FBN1: variants seen among roughly 807,000 people sequenced by gnomAD.
FBN1 encodes fibrillin-1.
Under a neutral mutation model 365.1 loss-of-function variants are expected in FBN1, and 29 were observed. The ratio of observed to expected loss-of-function variants is 0.08; its 90% confidence interval spans 0.06 to 0.11. The LOEUF (loss-of-function observed/expected upper bound fraction) is 0.11. Ranked by LOEUF, FBN1 falls within the 10% of genes least tolerant of loss-of-function variation. The probability of loss-of-function intolerance (pLI) is 1.00; values close to 1 mark genes in which losing one functional copy is unlikely to be tolerated. For synonymous variants in FBN1, 1,210 were observed against 1,270.5 expected (o/e 0.95, Z 1.01); for missense variants, 2,476 against 3,703.2 (o/e 0.67, Z 8.60).
At chr15:48,513,259 C>T (rs1248058896) in intron 13 of FBN1, among the ~76,000 whole-genome samples, 2 of 152,172 alleles carry the variant, frequency 1.3e-5, no homozygotes, top group African/African-American at 4.8e-5. Context: ...CAATTCCACT[C>T]TCTACTTCTC....
chr15:48,480,704 C>T (rs2043459157), intron 32 of FBN1, among the ~76,000 whole-genome samples: 1 of 152,132 alleles, frequency 6.6e-6, no homozygotes, highest in Non-Finnish European at 1.5e-5. Context: ...AGGATCTGCA[C>T]ATTTGCCCCA....
intron 8 of FBN1, among the ~76,000 whole-genome samples, chr15:48,529,894 T>C (rs545612112): frequency 0.016 from 2,334 of 145,188 alleles, 34 homozygotes; most frequent in African/African-American, 0.058. Context: ...TCTGAATTCT[T>C]ATCCATGCTG....
In FBN1 at chr15:48,464,000, G is replaced by A; in HGVS notation, c.4964C>T (p.Pro1655Leu). 6.2e-7 allele frequency: 1 copy of A among 1,613,932 alleles called. No homozygotes were observed. Among genetic ancestry groups the A allele is most frequent in the South Asian group, 1.1e-5 (1 of 91,086 alleles). The change falls in exon 41 of 66, where the codon CCT becomes CTT. Residue 1655 changes from proline to leucine, a missense_variant. Coordinates refer to ENST00000316623, the MANE Select transcript of FBN1 (RefSeq NM_000138.5). ...ACATGTCCCTGGACCACAGATTCCA[G>A]GAGTCTCACATTCATTCACATCTAT... ...VCDDVNECET[P>L]GICGPGTCYN...
chr15:48,457,731 C>T (rs891944583), intron 43 of FBN1, among the ~76,000 whole-genome samples: 4 of 152,114 alleles, frequency 2.6e-5, no homozygotes, highest in African/African-American at 9.7e-5. Context: ...ATTTCTCAAG[C>T]ATTCAACCTG....
chr15:48,526,561 T>C (rs2043917042), intron 8 of FBN1, among the ~76,000 whole-genome samples: 1 of 152,248 alleles, frequency 6.6e-6, no homozygotes, highest in African/African-American at 2.4e-5. Flanking sequence ...ACAAATGTCA[T>C]TTATTTTAAA....
chr15:48,425,544 G>A (rs771614776), intron 59 of FBN1, 53 bp from the exon 60 acceptor site: 20 of 1,611,432 alleles, frequency 1.2e-5, no homozygotes, highest in Admixed American at 5.0e-5. Context: ...ATGTGTACAC[G>A]CTCAATTTCC....
At chr15:48,562,749 C>T (rs930799430) in intron 6 of FBN1, among the ~76,000 whole-genome samples, 1 of 152,134 alleles carries the variant, frequency 6.6e-6, no homozygotes, top group African/African-American at 2.4e-5. Context: ...AGCATCTTCC[C>T]TACAGCTGGG....
intron 16 of FBN1, 54 bp from the exon 17 acceptor site, chr15:48,503,993 C>A (rs1446087240): frequency 6.2e-7 from 1 of 1,606,874 alleles, no homozygotes; most frequent in Admixed American, 1.7e-5. Context: ...AGATGAGAAC[C>A]CCCCAAGTCA....
In FBN1 at chr15:48,411,401, T is replaced by C. The variant is rs375622313; in HGVS notation, c.8227-22A>G. The C allele has an allele frequency of 4.5e-5, 72 of 1,610,690 alleles. No homozygotes were observed. In the African/African-American group the frequency reaches 7.5e-4, roughly 17 times the overall value. On this transcript the variant is annotated intron_variant, in intron 65 of 65. Coordinates refer to ENST00000316623, the MANE Select transcript of FBN1 (RefSeq NM_000138.5). ...GATCCTGGAAAGACACATGGCAATA[T>C]GTTAAATACAATGTACATATGCCAC...
intron 52 of FBN1, 37 bp from the exon 53 acceptor site, chr15:48,437,114 A>AT (rs1236583252): frequency 7.1e-7 from 1 of 1,414,502 alleles, no homozygotes; most frequent in Non-Finnish European, 1.0e-6. Flanking sequence ...ATAACAAGGT[A>AT]TTTTTTAAAC....
chr15:48,531,780 C>A (rs547736873), intron 8 of FBN1, among the ~76,000 whole-genome samples: 14 of 152,250 alleles, frequency 9.2e-5, no homozygotes, highest in African/African-American at 3.1e-4. Flanking sequence ...CAGAGTAAGA[C>A]AGGTCAACCC....
rs931622804 is a variant in FBN1 at position 48,445,123 on chromosome 15, CAT to C, written c.5917+251_5917+252del. Among the ~76,000 whole-genome samples the C allele has an allele frequency of 0.012, 1,691 of 138,164 alleles. 19 individuals are homozygous for C. The highest frequency in any genetic ancestry group is 0.03 in the African/African-American group (1,167 of 38,338). 90.6% of individuals were successfully genotyped at this position (138,164 alleles called of 152,430 possible). ...AAAAGTGATTATATATATATATACA[CAT>C]ATATATATATACACACACACATATA... On this transcript the variant is annotated intron_variant, in intron 48 of 65. Transcript: ENST00000316623.
At chr15:48,616,226 T>G (rs780732931) in intron 2 of FBN1, among the ~76,000 whole-genome samples, 2 of 152,238 alleles carry the variant, frequency 1.3e-5, no homozygotes. Context: ...GTTTTAAAAC[T>G]TTATCATTAA....
In FBN1 at chr15:48,483,806, T is replaced by A. The variant is rs780492671; in HGVS notation, c.3838+12A>T. On this transcript the variant is annotated intron_variant, in intron 31 of 65. Coordinates refer to ENST00000316623, the MANE Select transcript of FBN1 (RefSeq NM_000138.5). ...ACAAGACAAGATGAAAAATTCTGTC[T>A]TCTTTGCTTACCTACACAAGTCTTC... is the stretch of plus-strand genomic sequence containing the variant. The A allele has an allele frequency of 6.2e-7, 1 of 1,613,430 alleles. No individual in the cohort carries two copies. The highest frequency in any genetic ancestry group is 1.7e-5 in the Admixed American group (1 of 60,032).
At chr15:48,614,071 T>G (rs2044677272) in intron 2 of FBN1, among the ~76,000 whole-genome samples, 1 of 152,194 alleles carries the variant, frequency 6.6e-6, no homozygotes. Context: ...GATCCACATT[T>G]AACAATTTCA....
chr15:48,454,824 G>C (rs1485870416), intron 44 of FBN1, among the ~76,000 whole-genome samples: 1 of 152,192 alleles, frequency 6.6e-6, no homozygotes, highest in Non-Finnish European at 1.5e-5. Flanking sequence ...GTGCCTCTCT[G>C]GGCAACAGAC....
intron 6 of FBN1, among the ~76,000 whole-genome samples, chr15:48,591,550 C>T (rs902433034): frequency 1.3e-5 from 2 of 152,194 alleles, no homozygotes; most frequent in African/African-American, 4.8e-5. Flanking sequence ...AGAGCAGATT[C>T]GTACGTTGAA....
chr15:48,616,712 T>A lies in FBN1; in HGVS notation c.165-3620A>T, dbSNP rs114355872. Among the ~76,000 whole-genome samples the A allele has an allele frequency of 5.0e-3, 760 of 152,256 alleles. 4 individuals carry two copies. The highest frequency in any genetic ancestry group is 0.018 in the African/African-American group (731 of 41,566). Reference sequence around the variant, plus strand: ...CTTTTCACTTCATGAGCCATCCCCATCAACCCCCATCACTCCAACACACAC... The same window carrying A: ...CTTTTCACTTCATGAGCCATCCCCAACAACCCCCATCACTCCAACACACAC... On this transcript the variant is annotated intron_variant, in intron 2 of 65. Coordinates refer to ENST00000316623, the MANE Select transcript of FBN1 (RefSeq NM_000138.5).
chr15:48,547,375 C>T (rs149350988), intron 6 of FBN1, among the ~76,000 whole-genome samples: 126 of 152,266 alleles, frequency 8.3e-4, no homozygotes, highest in African/African-American at 2.8e-3. Flanking sequence ...CTGCCCCTTT[C>T]GTAAATGACA....
Sources: gnomAD v4.1 joint callset for allele counts (sites outside exome capture counted in the v4.1 genomes callset) on GRCh38, gnomAD v4.1.1 for gene constraint, MANE v1.5 for transcripts, NCBI Gene and HGNC (gene_info 2026-07-23, HGNC 2026-07-21) for gene names.